Variants in LONRF2 observed in about 807,000 individuals in gnomAD.
The protein encoded by LONRF2 is LON peptidase N-terminal domain and ring finger 2, also known as LON peptidase N-terminal domain and RING finger protein 2.
LONRF2 carries 35 observed loss-of-function variants against 66.6 expected under a neutral mutation model. The observed-to-expected ratio is 0.53, with a 90% confidence interval of 0.40 to 0.70. The LOEUF (loss-of-function observed/expected upper bound fraction) is 0.70, where lower values mean the gene tolerates loss of function less well. Ranked by LOEUF, LONRF2 falls within the 30% of genes least tolerant of loss-of-function variation. LONRF2 has a pLI of 0.00. For synonymous variants in LONRF2, 417 were observed against 418.1 expected (o/e 1.00, Z 0.03); for missense variants, 902 against 1,002.1 (o/e 0.90, Z 1.35).
Position 100,322,148 on chromosome 2 carries a change from T to A in LONRF2, c.-55A>T. 6.8e-6 allele frequency: 8 copies of A among 1,182,896 alleles called. No homozygotes were observed. Among genetic ancestry groups the A allele is most frequent in the Non-Finnish European group, 8.4e-6 (8 of 956,508 alleles). 73.3% of individuals were successfully genotyped at this position (1,182,896 alleles called of 1,614,324 possible). On this transcript the variant is annotated 5_prime_UTR_variant, in exon 1 of 12. Transcript: ENST00000393437. ...GAGCGAAGGCGCGGAGCAGGGAGGA[T>A]GCGCTGCTGCTGGGAACTGGCCGGC...
Position 100,284,405 on chromosome 2 carries a change from T to C in LONRF2, c.2158A>G (p.Thr720Ala). Residue 720 changes from threonine to alanine, a missense_variant, in exon 12 of 12, where the codon ACC becomes GCC. Thr to Ala is a moderately conservative substitution (Grantham distance 58). Transcript: ENST00000393437. The part of the protein sequence containing the change: ...RKAQLAILGM[T>A]SLKERLLAIR... The stretch of plus-strand genomic sequence containing the variant: ...GCAAGGAGCCGCTCTTTGAGCGAGG[T>C]CATGCCGAGGATGGCCAGCTGAGCC... 6.2e-7 allele frequency: 1 copy of C among 1,604,886 alleles called. No individual in the cohort carries two copies. The highest frequency in any genetic ancestry group is 8.5e-7 in the Non-Finnish European group (1 of 1,175,980).
intron 2 of LONRF2, among the ~76,000 whole-genome samples, chr2:100,305,253 T>G (rs1361736512): frequency 1.3e-5 from 2 of 152,126 alleles, no homozygotes; most frequent in African/African-American, 2.4e-5. Flanking sequence ...ATGTGCAGGT[T>G]TTTTTAGAAA....
In LONRF2 at chr2:100,321,464, C is replaced by A. The variant is rs1415840167; in HGVS notation, c.630G>T (p.Gln210His). 1.3e-6 allele frequency: 2 copies of A among 1,504,610 alleles called. No homozygotes were observed. The highest frequency in any genetic ancestry group is 2.2e-5 in the Admixed American group (1 of 46,160). 93.2% of individuals were successfully genotyped at this position (1,504,610 alleles called of 1,614,324 possible). A position where few individuals can be genotyped will look rare whatever the true frequency, so the allele number is the denominator to read the frequency against. ...LAGQARSLQR[Q>H]QQPEAALLRC... ...TGAGCAGCGCGGCCTCCGGCTGCTG[C>A]TGGCGCTGCAGGCTCCGCGCCTGGC... is the stretch of plus-strand genomic sequence containing the variant. Residue 210 changes from glutamine (Q) to histidine (H), a missense_variant, in exon 1 of 12, where the codon CAG (glutamine) becomes CAT (histidine). This residue lies in a region of LONRF2 where 585 missense variants were observed against 569.9 expected (regional missense o/e 1.03). Transcript: ENST00000393437.
chr2:100,315,784 A>G (rs1354261315), intron 1 of LONRF2, among the ~76,000 whole-genome samples: 3 of 152,168 alleles, frequency 2.0e-5, no homozygotes, highest in Non-Finnish European at 4.4e-5. Context: ...CGTAAGAAAC[A>G]TTGGGCTGTA....
chr2:100,290,150 A>T, intron 10 of LONRF2, 108 bp downstream of exon 10: 1 of 1,024,070 alleles, frequency 9.8e-7, no homozygotes, highest in Non-Finnish European at 1.4e-6. Flanking sequence ...GTGATGAATT[A>T]AGGACTTAAG....
chr2:100,304,787 CTAAT>C (rs1375671795), intron 2 of LONRF2, among the ~76,000 whole-genome samples: 2 of 85,134 alleles, frequency 2.3e-5, no homozygotes, highest in Non-Finnish European at 4.8e-5. Flanking sequence ...CCATGCCTGG[CTAAT>C]TTTTTTTTTT....
intron 7 of LONRF2, among the ~76,000 whole-genome samples, chr2:100,296,297 T>C (rs987897654): frequency 2.6e-5 from 4 of 152,228 alleles, no homozygotes; most frequent in Non-Finnish European, 4.4e-5. Context: ...CTCTTTTCAC[T>C]GACATTCTGA....
In LONRF2 at chr2:100,321,491, T is replaced by C. The variant is rs753819151; in HGVS notation, c.603A>G (p.Ala201=). The change falls in exon 1 of 12, where the codon GCA becomes GCG. Residue 201 remains alanine, a synonymous_variant. Transcript: ENST00000393437. ...FPAECRLRRL[A]GQARSLQRQQ... is the part of the protein sequence containing the mutation. The stretch of plus-strand genomic sequence containing the variant: ...GGCGCTGCAGGCTCCGCGCCTGGCC[T>C]GCCAGCCTGCGCAGCCGGCACTCGG... 2.0e-6 allele frequency: 3 copies of C among 1,531,564 alleles called. No individual in the cohort carries two copies. The highest frequency in any genetic ancestry group is 2.6e-6 in the Non-Finnish European group (3 of 1,151,500). The allele number at this position is 1,531,564 out of a possible 1,614,324, so 94.9% of individuals were successfully genotyped here.
At chr2:100,306,211 G>A (rs1573121647) in intron 2 of LONRF2, among the ~76,000 whole-genome samples, 1 of 149,518 alleles carries the variant, frequency 6.7e-6, no homozygotes, top group South Asian at 2.1e-4. Flanking sequence ...ACCACACCTG[G>A]TCAGGAAAAG....
Position 100,275,570 on chromosome 2 carries a change from T to A in LONRF2, c.*8728A>T, listed in dbSNP as rs80337164. 4.7e-4 allele frequency: 71 copies of A among 152,352 alleles called. No individual in the cohort carries two copies. The highest frequency in any genetic ancestry group is 1.5e-3 in the African/African-American group (62 of 41,582). 9.4% of individuals were successfully genotyped at this position (152,352 alleles called of 1,614,324 possible). ...AGCCGCCAAAAGGTTTAAATGTTGC[T>A]TTAAGAGCCTTGCAGCTGTTGTGAC... On this transcript the variant is annotated 3_prime_UTR_variant, in exon 12 of 12. Coordinates refer to ENST00000393437, the MANE Select transcript of LONRF2 (RefSeq NM_198461.4).
At chr2:100,292,873 C>T (rs1674990470) in intron 9 of LONRF2, among the ~76,000 whole-genome samples, 1 of 151,952 alleles carries the variant, frequency 6.6e-6, no homozygotes, top group African/African-American at 2.4e-5. Flanking sequence ...AGCTTTTTCC[C>T]CCCCTCTCAT....
At position 100,285,032 on chromosome 2, in the gene LONRF2, T is replaced by C. The variant is rs1674816807; in HGVS notation, c.2071-540A>G. On this transcript the variant is annotated intron_variant, in intron 11 of 11. Transcript: ENST00000393437. ...AATTATTATGCCACCAAATAACCTT[T>C]ATTTCACATAATCAAACAAAGCACT... Among the ~76,000 whole-genome samples, 9 of 152,372 alleles carry C rather than the reference T, an allele frequency of 5.9e-5. No individual in the cohort carries two copies. The South Asian group carries it at 1.9e-3, about 32-fold the overall frequency.
rs916687597 is a variant in LONRF2, at chr2:100,275,941, T to G, written c.*8357A>C. ...GTGCATATACATACACATACACACA[T>G]ATATACACATGCAGATAGGCTATTT... On this transcript the variant is annotated 3_prime_UTR_variant, in exon 12 of 12. Transcript: ENST00000393437. The G allele has an allele frequency of 7.9e-5, 12 of 152,184 alleles. No individual in the cohort carries two copies. The highest frequency in any genetic ancestry group is 3.9e-4 in the Admixed American group (6 of 15,284). The allele number at this position is 152,184 out of a possible 1,614,324, so 9.4% of individuals were successfully genotyped here. A position where few individuals can be genotyped will look rare whatever the true frequency, so the allele number is the denominator to read the frequency against.
chr2:100,305,457 T>A (rs932287844), intron 2 of LONRF2, among the ~76,000 whole-genome samples: 1 of 152,222 alleles, frequency 6.6e-6, no homozygotes, highest in South Asian at 2.1e-4. Context: ...TGGCAGCCAC[T>A]GATGGGTAAA....
rs774331166 is a variant in LONRF2 at position 100,275,636 on chromosome 2, G to C, written c.*8662C>G. 6.6e-6 allele frequency: 1 copy of C among 152,202 alleles called. No individual in the cohort carries two copies. Among genetic ancestry groups the C allele is most frequent in the African/African-American group, 2.4e-5 (1 of 41,424 alleles). 9.4% of individuals were successfully genotyped at this position (152,202 alleles called of 1,614,324 possible). A position where few individuals can be genotyped will look rare whatever the true frequency, so the allele number is the denominator to read the frequency against. On this transcript the variant is annotated 3_prime_UTR_variant, in exon 12 of 12. Coordinates refer to ENST00000393437, the MANE Select transcript of LONRF2 (RefSeq NM_198461.4). ...GTGGGATGCAAAGGATCTATCCATAGAGACCAGTGGCTTGAGGTTTGAGGA... is the reference window on the plus strand; with the variant it reads ...GTGGGATGCAAAGGATCTATCCATACAGACCAGTGGCTTGAGGTTTGAGGA...
intron 2 of LONRF2, among the ~76,000 whole-genome samples, chr2:100,308,240 C>T (rs892515661): frequency 3.3e-5 from 5 of 151,976 alleles, no homozygotes; most frequent in African/African-American, 9.7e-5. Flanking sequence ...TGTGGTAGCA[C>T]GCACCTGTAG....
chr2:100,306,344 G>A (rs1197121447), intron 2 of LONRF2, among the ~76,000 whole-genome samples: 2 of 152,142 alleles, frequency 1.3e-5, no homozygotes, highest in Non-Finnish European at 2.9e-5. Flanking sequence ...AAATAATACT[G>A]TCTTATACGC....
intron 7 of LONRF2, among the ~76,000 whole-genome samples, chr2:100,297,505 C>T (rs2105723073): frequency 1.3e-5 from 2 of 152,286 alleles, no homozygotes; most frequent in Middle Eastern, 6.8e-3. Flanking sequence ...AAGGCAGCAT[C>T]GAAACAGAAG....
chr2:100,312,703 A>G (rs148777870), intron 1 of LONRF2, among the ~76,000 whole-genome samples: 1 of 152,324 alleles, frequency 6.6e-6, no homozygotes, highest in Admixed American at 6.5e-5. Context: ...TGAATGAATC[A>G]CTGTTTTCTT....
Sources: allele counts gnomAD v4.1 joint callset (sites outside exome capture counted in the v4.1 genomes callset), GRCh38; gene constraint gnomAD v4.1.1; regional missense constraint gnomAD v4.1.1; transcripts MANE v1.5; gene names NCBI Gene and HGNC (gene_info 2026-07-23, HGNC 2026-07-21).